Variants in DTNA observed in about 807,000 individuals in gnomAD.
DTNA encodes dystrobrevin alpha, also known as dystrophin-related protein 3.
Under a neutral mutation model 100.7 loss-of-function variants are expected in DTNA, and 43 were observed. That is an observed-to-expected ratio of 0.43 (90% CI 0.33 to 0.55). DTNA has a LOEUF of 0.55. DTNA is among the 20% of genes least tolerant of loss of function. The probability of loss-of-function intolerance (pLI) is 0.04; values close to 1 mark genes in which losing one functional copy is unlikely to be tolerated. For synonymous variants in DTNA, 349 were observed against 347.9 expected (o/e 1.00, Z -0.04); for missense variants, 798 against 953.9 (o/e 0.84, Z 2.15).
At chr18:34,823,065 A>G (rs1052525333) in intron 9 of DTNA, among the ~76,000 whole-genome samples, 5 of 152,208 alleles carry the variant, frequency 3.3e-5, no homozygotes, top group Admixed American at 1.3e-4. Flanking sequence ...ATTTTTAGCC[A>G]TAGAAATTTT....
chr18:34,682,474 C>T (rs539682442), intron 1 of DTNA, among the ~76,000 whole-genome samples: 54 of 152,278 alleles, frequency 3.5e-4, no homozygotes, highest in Middle Eastern at 3.4e-3. Flanking sequence ...TTAATTGTAT[C>T]ATTTTGCATT....
chr18:34,533,578 GA>G lies in DTNA; in HGVS notation c.-2+40065del, dbSNP rs2043372885. Among the ~76,000 whole-genome samples, 3 of 151,964 alleles carry G rather than the reference GA, an allele frequency of 2.0e-5. No homozygotes were observed. In the South Asian group the frequency reaches 6.2e-4, roughly 32 times the overall value. On this transcript the variant is annotated intron_variant, in intron 1 of 19. Coordinates refer to the DTNA transcript ENST00000283365. ...TAGTATGCCTCCGTAGATAATCAAA[GA>G]TTTGAGTTGAAGTGTTGTAATTGAG...
chr18:34,535,006 C>T (rs979821171), intron 1 of DTNA, among the ~76,000 whole-genome samples: 2 of 151,842 alleles, frequency 1.3e-5, no homozygotes, highest in African/African-American at 4.8e-5. Context: ...GGGTATATAC[C>T]CAGTAATGGG....
chr18:34,782,365 A>G (rs2094358222), intron 3 of DTNA, among the ~76,000 whole-genome samples: 1 of 152,194 alleles, frequency 6.6e-6, no homozygotes, highest in Admixed American at 6.5e-5. Flanking sequence ...CTGAGCATAA[A>G]ATTTAGCTCA....
intron 1 of DTNA, among the ~76,000 whole-genome samples, chr18:34,538,969 ACT>A (rs1201975358): frequency 6.6e-6 from 1 of 152,018 alleles, no homozygotes. Context: ...CAAATACCAC[ACT>A]CAGAGAAAAA....
chr18:34,608,686 A>G (rs972464166), intron 1 of DTNA, among the ~76,000 whole-genome samples: 1 of 152,096 alleles, frequency 6.6e-6, no homozygotes, highest in Non-Finnish European at 1.5e-5. Flanking sequence ...ATCTCTATGT[A>G]TTAGGGTGAC....
chr18:34,777,840 T>G (rs1442177977), intron 3 of DTNA, among the ~76,000 whole-genome samples: 2 of 152,182 alleles, frequency 1.3e-5, no homozygotes, highest in Non-Finnish European at 2.9e-5. Context: ...ATGTGGGCAT[T>G]ACAATTCACG....
At chr18:34,790,384 A>G (rs1414491605) in intron 3 of DTNA, among the ~76,000 whole-genome samples, 2 of 118,022 alleles carry the variant, frequency 1.7e-5, no homozygotes, top group Non-Finnish European at 3.7e-5. Context: ...TCCAGCCCAG[A>G]AAGATATCCT....
At chr18:34,560,137 T>C (rs1479899577) in intron 1 of DTNA, among the ~76,000 whole-genome samples, 1 of 152,200 alleles carries the variant, frequency 6.6e-6, no homozygotes, top group Non-Finnish European at 1.5e-5. Flanking sequence ...TCTCACCCTG[T>C]AAACTTTCCC....
chr18:34,651,953 G>A (rs1320817712), intron 1 of DTNA, among the ~76,000 whole-genome samples: 1 of 151,880 alleles, frequency 6.6e-6, no homozygotes, highest in Non-Finnish European at 1.5e-5. Flanking sequence ...ATAGTCCCAG[G>A]CACTCAGGAG....
chr18:34,829,145 A>G (rs897075589), intron 10 of DTNA: 2 of 1,613,780 alleles, frequency 1.2e-6, no homozygotes, highest in African/African-American at 1.3e-5. Context: ...TCCAGGGTGC[A>G]TGGTACCCAT....
Position 34,889,462 on chromosome 18 carries a change from T to G in DTNA, c.*1728T>G. On this transcript the variant is annotated 3_prime_UTR_variant, in exon 23 of 23. Coordinates refer to ENST00000444659, the MANE Select transcript of DTNA (RefSeq NM_001386795.1). ...GTATAATAAAGTCTCTGAAAAGGCC[T>G]TATTCAGAATAAGCAAGAAAGGTTC... 1 of 985,422 alleles carries G rather than the reference T, an allele frequency of 1.0e-6. No individual in the cohort carries two copies. Among genetic ancestry groups the G allele is most frequent in the Non-Finnish European group, 1.2e-6 (1 of 829,938 alleles). The allele number at this position is 985,422 out of a possible 1,614,324, so 61.0% of individuals were successfully genotyped here. A position where few individuals can be genotyped will look rare whatever the true frequency, so the allele number is the denominator to read the frequency against.
chr18:34,687,863 G>A (rs910152133), intron 1 of DTNA, among the ~76,000 whole-genome samples: 1 of 152,078 alleles, frequency 6.6e-6, no homozygotes, highest in African/African-American at 2.4e-5. Flanking sequence ...AGCTCTTCTT[G>A]TTGCATTGAT....
chr18:34,873,082 G>A (rs1456420685), intron 17 of DTNA, among the ~76,000 whole-genome samples: 1 of 152,120 alleles, frequency 6.6e-6, no homozygotes, highest in African/African-American at 2.4e-5. Context: ...AGTGCTTTAT[G>A]GACTGCAAAT....
intron 1 of DTNA, among the ~76,000 whole-genome samples, chr18:34,522,069 T>A (rs939961181): frequency 1.3e-5 from 2 of 152,236 alleles, no homozygotes; most frequent in African/African-American, 4.8e-5. Context: ...GCAGTGCCTT[T>A]GATGCTTATA....
rs1360434386 is a variant in DTNA, at chr18:34,511,637, G to C, written c.-2+18123G>C. ...AAGTCATGTGTAACTAGAATGAATA[G>C]CCCCTGGGTGGATCAAGGGTGATAT... On this transcript the variant is annotated intron_variant, in intron 1 of 19. Transcript: ENST00000283365. Among the ~76,000 whole-genome samples, 4 of 151,976 alleles carry C rather than the reference G, an allele frequency of 2.6e-5. No individual in the cohort carries two copies. The East Asian group carries it at 7.7e-4, about 29-fold the overall frequency.
At chr18:34,820,735 T>TA in intron 8 of DTNA, 56 bp from the exon 9 acceptor site, 2 of 1,610,602 alleles carry the variant, frequency 1.2e-6, no homozygotes, top group South Asian at 2.2e-5. Flanking sequence ...AATCATTTGA[T>TA]AAAATATTAC....
In DTNA at chr18:34,838,200, C is replaced by A. The variant is rs748992285; in HGVS notation, c.1253+29C>A. On this transcript the variant is annotated intron_variant, in intron 12 of 22. Coordinates refer to ENST00000444659, the MANE Select transcript of DTNA (RefSeq NM_001386795.1). ...AGTTACAGCCAGAGTGTACTGGAAC[C>A]CTGCATTAACTAAACTAAAAATGGA... 5.0e-6 allele frequency: 8 copies of A among 1,608,370 alleles called. No homozygotes were observed. In the Admixed American group the frequency reaches 1.3e-4, roughly 27 times the overall value.
rs139399102 is a variant in DTNA at position 34,674,535 on chromosome 18, T to C, written c.-1-81441T>C. On this transcript the variant is annotated intron_variant, in intron 1 of 19. Transcript: ENST00000283365. Reference sequence around the variant, plus strand: ...GCTTGTGTCTGGGGTGATTCTGGGTTTAGTCCAAGGGCCATGATTCCAAAT... The same window carrying C: ...GCTTGTGTCTGGGGTGATTCTGGGTCTAGTCCAAGGGCCATGATTCCAAAT... 2.8e-4 allele frequency among the ~76,000 whole-genome samples: 43 copies of C among 152,314 alleles called. No individual in the cohort carries two copies. The East Asian group carries it at 8.1e-3, about 29-fold the overall frequency.
Sources: gnomAD v4.1 joint callset for allele counts (sites outside exome capture counted in the v4.1 genomes callset) on GRCh38, gnomAD v4.1.1 for gene constraint, MANE v1.5 for transcripts, NCBI Gene and HGNC (gene_info 2026-07-23, HGNC 2026-07-21) for gene names.